The following ZYG11B variants were observed in gnomAD, a reference collection of about 807,000 sequenced individuals.
ZYG11B encodes protein zyg-11 homolog B.
ZYG11B carries 36 observed loss-of-function variants against 82.4 expected under a neutral mutation model. That is an observed-to-expected ratio of 0.44 (90% CI 0.33 to 0.58). The LOEUF is 0.58. Ranked by LOEUF, ZYG11B falls within the 20% of genes least tolerant of loss-of-function variation. The probability of loss-of-function intolerance (pLI) is 0.02; values close to 1 mark genes in which losing one functional copy is unlikely to be tolerated. For synonymous variants in ZYG11B, 303 were observed against 312.8 expected (o/e 0.97, Z 0.33); for missense variants, 552 against 895.6 (o/e 0.62, Z 4.90).
intron 4 of ZYG11B, among the ~76,000 whole-genome samples, chr1:52,783,551 G>T (rs1644874685): frequency 6.6e-6 from 1 of 151,128 alleles, no homozygotes; most frequent in South Asian, 2.1e-4. Flanking sequence ...TGGTAAGTAG[G>T]ATACATGTGG....
intron 1 of ZYG11B, among the ~76,000 whole-genome samples, chr1:52,731,239 C>T (rs1644329438): frequency 1.3e-5 from 2 of 150,722 alleles, no homozygotes; most frequent in South Asian, 2.1e-4. Context: ...TGTGCCACTG[C>T]ACTCCAGCCT....
rs182498539 is a variant in ZYG11B at position 52,788,929 on chromosome 1, G to T, written c.1270-1074G>T. Among the ~76,000 whole-genome samples the T allele has an allele frequency of 1.9e-3, 295 of 152,192 alleles. 4 individuals are homozygous for T. The highest frequency in any genetic ancestry group is 1.5e-3 in the Non-Finnish European group (102 of 68,014). On this transcript the variant is annotated intron_variant, in intron 5 of 13. Transcript: ENST00000294353. ...CCTGTACAAATTATCGTGTTTATTT[G>T]GGAGGAGAAAAATGGTGAAGGAGGA...
intron 10 of ZYG11B, among the ~76,000 whole-genome samples, chr1:52,807,809 A>G (rs534703): frequency 0.25 from 38,401 of 152,048 alleles, 6,020 homozygotes; most frequent in Non-Finnish European, 0.33. Flanking sequence ...TCTTCAACCT[A>G]AAAGACATCC....
chr1:52,772,541 C>T (rs1404267420), intron 3 of ZYG11B: 1 of 1,610,620 alleles, frequency 6.2e-7, no homozygotes, highest in East Asian at 2.2e-5. Context: ...GTTTGTAAAT[C>T]TGCTCCTTCA....
In ZYG11B at chr1:52,777,393, A is replaced by G. The variant is rs1010914045; in HGVS notation, c.952-2460A>G. On this transcript the variant is annotated intron_variant, in intron 3 of 13. Coordinates refer to ENST00000294353, the MANE Select transcript of ZYG11B (RefSeq NM_024646.3). ...CCTATTAATGGTTGAAATGTCAACC[A>G]TGATACATCCCTTCATTTCCTCAAA... is the stretch of plus-strand genomic sequence containing the variant. Among the ~76,000 whole-genome samples, 6 of 152,176 alleles carry G rather than the reference A, an allele frequency of 3.9e-5. No individual in the cohort carries two copies. The East Asian group carries it at 1.2e-3, about 29-fold the overall frequency.
At chr1:52,796,454 C>T in intron 7 of ZYG11B, 63 bp downstream of exon 7, 1 of 1,350,078 alleles carries the variant, frequency 7.4e-7, no homozygotes, top group Non-Finnish European at 1.0e-6. Flanking sequence ...TTTACTGTTT[C>T]CCCCCAAAAG....
At chr1:52,783,382 A>G (rs554578334) in intron 4 of ZYG11B, among the ~76,000 whole-genome samples, 1 of 152,264 alleles carries the variant, frequency 6.6e-6, no homozygotes, top group South Asian at 2.1e-4. Context: ...CCAGTACAGA[A>G]TAAAAAATTG....
At chr1:52,740,251 A>C (rs11206000) in intron 1 of ZYG11B, among the ~76,000 whole-genome samples, 76,710 of 152,048 alleles carry the variant, frequency 0.5, 19,536 homozygotes, top group East Asian at 0.62. Context: ...GAATAGCTTT[A>C]TCACATGACG....
intron 10 of ZYG11B, among the ~76,000 whole-genome samples, chr1:52,804,230 A>G (rs536495886): frequency 6.6e-6 from 1 of 152,112 alleles, no homozygotes; most frequent in Non-Finnish European, 1.5e-5. Flanking sequence ...TGGGTGACAG[A>G]GTGAGACCCA....
Position 52,822,335 on chromosome 1 carries a change from G to A in ZYG11B, c.*706G>A, listed in dbSNP as rs1330374147. The A allele has an allele frequency of 2.6e-5, 4 of 152,206 alleles. No homozygotes were observed. Among genetic ancestry groups the A allele is most frequent in the Non-Finnish European group, 5.9e-5 (4 of 68,038 alleles). 9.4% of individuals were successfully genotyped at this position (152,206 alleles called of 1,614,324 possible). A position where few individuals can be genotyped will look rare whatever the true frequency, so the allele number is the denominator to read the frequency against. ...CTCCATATTTATACCTAGAAGTGTG[G>A]ACTGCTGGTTCCTGCACAGACTGCC... On this transcript the variant is annotated 3_prime_UTR_variant, in exon 14 of 14. Transcript: ENST00000294353.
chr1:52,797,456 A>G (rs930461459), intron 8 of ZYG11B, among the ~76,000 whole-genome samples: 1 of 105,524 alleles, frequency 9.5e-6, no homozygotes, highest in African/African-American at 3.7e-5. Context: ...TATATATCAT[A>G]TATGATATAT....
At chr1:52,776,229 A>ATAT (rs1553260250) in intron 3 of ZYG11B, among the ~76,000 whole-genome samples, 17 of 23,536 alleles carry the variant, frequency 7.2e-4, no homozygotes, top group Non-Finnish European at 1.5e-3. Flanking sequence ...TAAAAAAAAA[A>ATAT]ATATATATAT....
rs1644749162 is a variant in ZYG11B, at chr1:52,771,415, A to G, written c.592A>G (p.Ile198Val). The G allele has an allele frequency of 2.5e-6, 4 of 1,614,122 alleles. No homozygotes were observed. Among genetic ancestry groups the G allele is most frequent in the South Asian group, 1.1e-5 (1 of 91,088 alleles). The change falls in exon 3 of 14, where the codon ATC becomes GTC. Residue 198 changes from isoleucine (I) to valine (V), a missense_variant. Coordinates refer to ENST00000294353, the MANE Select transcript of ZYG11B (RefSeq NM_024646.3). The surrounding 1 kb of genome is among the most constrained non-coding windows in gnomAD (Gnocchi z 5.4). ...LESLDISNTS[I>V]TDITALLACK... ...GAGCTTGGATATTTCTAACACCTCA[A>G]TCACAGACATCACTGCTCTACTGGC...
intron 1 of ZYG11B, among the ~76,000 whole-genome samples, chr1:52,743,402 T>TAAAAAAAAAAAAAAA (rs71044414): frequency 2.5e-4 from 17 of 69,094 alleles, no homozygotes; most frequent in Non-Finnish European, 3.7e-4. Context: ...CAATAAATAC[T>TAAAAAAAAAAAAAAA]AAAAAAAAAA....
intron 3 of ZYG11B, among the ~76,000 whole-genome samples, chr1:52,773,927 G>A (rs1644780936): frequency 6.6e-6 from 1 of 151,752 alleles, no homozygotes; most frequent in Non-Finnish European, 1.5e-5. Context: ...ACAGGAGTGA[G>A]CCACCACCCT....
rs1644296981 is a variant in ZYG11B at position 52,727,677 on chromosome 1, A to G, written c.30+994A>G. Among the ~76,000 whole-genome samples the G allele has an allele frequency of 2.0e-5, 3 of 152,220 alleles. No homozygotes were observed. In the South Asian group the frequency reaches 6.2e-4, roughly 32 times the overall value. ...TGGCAGGTTGTGACAGTCTCTTTAA[A>G]CCTTCTAAAGAGTTCATTTGTTTTG... is the stretch of plus-strand genomic sequence containing the variant. On this transcript the variant is annotated intron_variant, in intron 1 of 13. Coordinates refer to ENST00000294353, the MANE Select transcript of ZYG11B (RefSeq NM_024646.3).
At position 52,726,563 on chromosome 1, in the gene ZYG11B, C is replaced by G; in HGVS notation, c.-91C>G. 7.8e-7 allele frequency: 1 copy of G among 1,275,992 alleles called. No individual in the cohort carries two copies. The highest frequency in any genetic ancestry group is 2.0e-5 in the South Asian group (1 of 49,218). 79.0% of individuals were successfully genotyped at this position (1,275,992 alleles called of 1,614,324 possible). A position where few individuals can be genotyped will look rare whatever the true frequency, so the allele number is the denominator to read the frequency against. On this transcript the variant is annotated 5_prime_UTR_variant, in exon 1 of 14. Transcript: ENST00000294353. ...AGGCCTGGGCCAAGCCCGGAGCCGC[C>G]GCTCGCCGGAGCCTCCTGGAGCCTC...
At chr1:52,800,217 A>C (rs1264764746) in intron 8 of ZYG11B, among the ~76,000 whole-genome samples, 1 of 151,602 alleles carries the variant, frequency 6.6e-6, no homozygotes, top group Non-Finnish European at 1.5e-5. Context: ...TCAAGTCTAC[A>C]GCGAACTATA....
chr1:52,751,304 A>G (rs1410830221), intron 1 of ZYG11B, among the ~76,000 whole-genome samples: 2 of 142,624 alleles, frequency 1.4e-5, no homozygotes, highest in Non-Finnish European at 1.5e-5. Context: ...TGATGGATAT[A>G]TTTGGGTTGT....
Sources: gnomAD v4.1 joint callset for allele counts (sites outside exome capture counted in the v4.1 genomes callset) on GRCh38, gnomAD v4.1.1 for gene constraint, Gnocchi (gnomAD v3.1) non-coding constraint, MANE v1.5 for transcripts, NCBI Gene and HGNC (gene_info 2026-07-23, HGNC 2026-07-21) for gene names.